BRAF: variants seen among roughly 807,000 people sequenced by gnomAD.
The protein encoded by BRAF is serine/threonine-protein kinase B-raf.
In BRAF, 16 loss-of-function variants were observed where a neutral mutation model predicts 104.6. The observed-to-expected ratio is 0.15, with a 90% CI of 0.10 to 0.23. The LOEUF (loss-of-function observed/expected upper bound fraction) is 0.23, where lower values mean the gene tolerates loss of function less well. BRAF is among the 10% of genes least tolerant of loss of function. The pLI is 1.00. For synonymous variants in BRAF, 310 were observed against 341.6 expected, an observed-to-expected ratio of 0.91 and a Z score of 1.02; for missense variants, 541 against 937.3, an observed-to-expected ratio of 0.58 and a Z score of 5.52.
At chr7:140,806,409 T>C (rs1332093145) in intron 5 of BRAF, among the ~76,000 whole-genome samples, 1 of 152,204 alleles carries the variant, frequency 6.6e-6, no homozygotes, top group East Asian at 1.9e-4. Context: ...AGATATGGTA[T>C]TGGCAAATGG....
At chr7:140,728,450 C>CA (rs1355097447) in intron 19 of BRAF, among the ~76,000 whole-genome samples, 1 of 151,350 alleles carries the variant, frequency 6.6e-6, no homozygotes, top group Non-Finnish European at 1.5e-5. Context: ...TTTTAACAAG[C>CA]AATTAACTAA....
intron 1 of BRAF, among the ~76,000 whole-genome samples, chr7:140,882,759 G>A (rs1340765693): frequency 4.6e-5 from 7 of 151,922 alleles, no homozygotes; most frequent in Admixed American, 6.5e-5. Flanking sequence ...TTGGGAGGCC[G>A]AGGCGGGTGG....
intron 1 of BRAF, among the ~76,000 whole-genome samples, chr7:140,906,980 C>T (rs1408704725): frequency 6.6e-6 from 1 of 152,130 alleles, no homozygotes; most frequent in Non-Finnish European, 1.5e-5. Flanking sequence ...AATTTTCAGC[C>T]AGAAATATCT....
At position 140,879,889 on chromosome 7, in the gene BRAF, G is replaced by A. The variant is rs182575362; in HGVS notation, c.139-29677C>T. 2.8e-3 allele frequency among the ~76,000 whole-genome samples: 430 copies of A among 152,070 alleles called. 6 individuals are homozygous for A. Among genetic ancestry groups the A allele is most frequent in the Admixed American group, 5.6e-3 (86 of 15,268 alleles). On this transcript the variant is annotated intron_variant, in intron 1 of 19. Coordinates refer to ENST00000644969, the MANE Select transcript of BRAF (RefSeq NM_001374258.1). ...TGGGATTACAGGTGCGTGCCACCAC[G>A]ACTTGCTAAGTTTTGTATTTTTAGT...
At chr7:140,854,717 G>A (rs1167275330) in intron 1 of BRAF, among the ~76,000 whole-genome samples, 4 of 151,978 alleles carry the variant, frequency 2.6e-5, no homozygotes, top group East Asian at 3.9e-4. Context: ...AGGATGAGGC[G>A]GGTGGATCAC....
the BRAF span, among the ~76,000 whole-genome samples, chr7:140,713,345 CTTCATTTCA>C: frequency 3.3e-5 from 5 of 152,152 alleles, no homozygotes; most frequent in African/African-American, 1.2e-4. Flanking sequence ...TCTCTTCTTG[CTTCATTTCA>C]TTCATTTCAT....
chr7:140,913,631 T>TG (rs1042730736), intron 1 of BRAF, among the ~76,000 whole-genome samples: 1 of 151,898 alleles, frequency 6.6e-6, no homozygotes, highest in African/African-American at 2.4e-5. Context: ...TACAGGCACA[T>TG]GCCACCAGGC....
intron 1 of BRAF, among the ~76,000 whole-genome samples, chr7:140,904,754 A>G (rs6957578): frequency 0.3 from 45,544 of 151,840 alleles, 10,912 homozygotes; most frequent in African/African-American, 0.67. Context: ...GACTACAGGC[A>G]TGCACCACCA....
intron 1 of BRAF, among the ~76,000 whole-genome samples, chr7:140,866,664 A>G (rs1276390811): frequency 6.6e-6 from 1 of 152,174 alleles, no homozygotes; most frequent in African/African-American, 2.4e-5. Context: ...TAGCCACCTT[A>G]GTCAAGATGT....
At position 140,726,486 on chromosome 7, in the gene BRAF, G is replaced by A. The variant is rs1321996231; in HGVS notation, c.*8C>T. On this transcript the variant is annotated 3_prime_UTR_variant, in exon 20 of 20. Coordinates refer to ENST00000644969, the MANE Select transcript of BRAF (RefSeq NM_001374258.1). Reference sequence around the variant, plus strand: ...AAGAAATAAGAGCAGATGCTGCCATGATGGTGGCTACTTGAAGGCTGCAAA... The same window carrying A: ...AAGAAATAAGAGCAGATGCTGCCATAATGGTGGCTACTTGAAGGCTGCAAA... The A allele has an allele frequency of 2.6e-6, 4 of 1,536,488 alleles. No individual in the cohort carries two copies. Among genetic ancestry groups the A allele is most frequent in the Middle Eastern group, 3.3e-4 (2 of 5,996 alleles).
chr7:140,883,115 A>G (rs184828694), intron 1 of BRAF, among the ~76,000 whole-genome samples: 2 of 152,300 alleles, frequency 1.3e-5, no homozygotes, highest in African/African-American at 4.8e-5. Flanking sequence ...TGCTATGAAT[A>G]CCAAAACAGT....
intron 1 of BRAF, among the ~76,000 whole-genome samples, chr7:140,891,926 T>C (rs1814268064): frequency 1.3e-5 from 2 of 152,126 alleles, no homozygotes; most frequent in Admixed American, 6.6e-5. Context: ...ACACAAGCAA[T>C]GTTCCATAGT....
At position 140,723,030 on chromosome 7, in the gene BRAF, CTT is replaced by C. The variant is rs1187927009; in HGVS notation, c.*3462_*3463del. The C allele has an allele frequency of 9.5e-7, 1 of 1,051,898 alleles. No individual in the cohort carries two copies. The highest frequency in any genetic ancestry group is 1.1e-6 in the Non-Finnish European group (1 of 871,030). The allele number at this position is 1,051,898 out of a possible 1,614,324, so 65.2% of individuals were successfully genotyped here. A position where few individuals can be genotyped will look rare whatever the true frequency, so the allele number is the denominator to read the frequency against. ...CATCGTCATGTTCTAGAGCTCCTGACTTTTCATATTTTAAAATAAATAACTAT... is the reference window on the plus strand; with the variant it reads ...CATCGTCATGTTCTAGAGCTCCTGACTTCATATTTTAAAATAAATAACTAT... On this transcript the variant is annotated 3_prime_UTR_variant, in exon 20 of 20. Coordinates refer to ENST00000644969, the MANE Select transcript of BRAF (RefSeq NM_001374258.1).
At position 140,720,055 on chromosome 7, in the gene BRAF, T is replaced by C. The variant is rs1795247922; in HGVS notation, c.*6439A>G. On this transcript the variant is annotated 3_prime_UTR_variant, in exon 20 of 20. Transcript: ENST00000644969. ...TACATGAAAAGGGGGGATTTCCTTTTTCTTGGTCTAAACCAAAGAGCAATG... is the reference window on the plus strand; with the variant it reads ...TACATGAAAAGGGGGGATTTCCTTTCTCTTGGTCTAAACCAAAGAGCAATG... 1.9e-6 allele frequency: 2 copies of C among 1,061,052 alleles called. No homozygotes were observed. The highest frequency in any genetic ancestry group is 2.3e-6 in the Non-Finnish European group (2 of 876,666). The allele number at this position is 1,061,052 out of a possible 1,614,324, so 65.7% of individuals were successfully genotyped here.
intron 5 of BRAF, among the ~76,000 whole-genome samples, chr7:140,807,454 C>T (rs1042798941): frequency 1.3e-5 from 2 of 151,412 alleles, no homozygotes; most frequent in Admixed American, 6.6e-5. Context: ...AAAAGATGTC[C>T]GTGACATCCT....
At chr7:140,755,070 G>A (rs1798092837) in intron 14 of BRAF, among the ~76,000 whole-genome samples, 1 of 152,156 alleles carries the variant, frequency 6.6e-6, no homozygotes, top group South Asian at 2.1e-4. Flanking sequence ...CTGGAGTGTA[G>A]TGGCACGACC....
At chr7:140,775,284 A>C (rs1419868534) in intron 14 of BRAF, among the ~76,000 whole-genome samples, 3 of 152,118 alleles carry the variant, frequency 2.0e-5, no homozygotes, top group African/African-American at 7.2e-5. Context: ...GAAGAGAATA[A>C]GCCTTTGTTT....
intron 8 of BRAF, among the ~76,000 whole-genome samples, chr7:140,791,736 C>T (rs1801989752): frequency 6.6e-6 from 1 of 152,158 alleles, no homozygotes; most frequent in African/African-American, 2.4e-5. Flanking sequence ...CCTTGTTTTC[C>T]TTTGGTATTT....
chr7:140,848,723 TAATAA>T (rs1808830553), intron 2 of BRAF, among the ~76,000 whole-genome samples: 1 of 152,208 alleles, frequency 6.6e-6, no homozygotes, highest in African/African-American at 2.4e-5. Flanking sequence ...ATCAGCCTCC[TAATAA>T]TATATGTATA....
Sources: allele counts gnomAD v4.1 joint callset (sites outside exome capture counted in the v4.1 genomes callset), GRCh38; gene constraint gnomAD v4.1.1; transcripts MANE v1.5; gene names NCBI Gene and HGNC (gene_info 2026-07-23, HGNC 2026-07-21).